Variants in NKD1 observed in about 807,000 individuals in gnomAD.
NKD1 encodes the protein protein naked cuticle homolog 1.
A neutral mutation model predicts 56.0 loss-of-function variants in NKD1; 21 were observed. The ratio of observed to expected loss-of-function variants is 0.38; its 90% CI spans 0.27 to 0.54. The LOEUF (loss-of-function observed/expected upper bound fraction) is 0.54, where lower values mean the gene tolerates loss of function less well. NKD1 is among the 20% of genes least tolerant of loss of function. NKD1 has a pLI of 0.82. For missense variants in NKD1, 578 were observed against 642.7 expected (o/e 0.90, Z 1.09); for synonymous variants, 263 against 265.7 (o/e 0.99, Z 0.10).
intron 3 of NKD1, among the ~76,000 whole-genome samples, chr16:50,587,602 A>G (rs1961258684): frequency 6.6e-6 from 1 of 152,170 alleles, no homozygotes; most frequent in Non-Finnish European, 1.5e-5. Flanking sequence ...CTAAGGAGAG[A>G]TGCTTTACCT....
chr16:50,627,613 G>C (rs1244570046), intron 6 of NKD1, among the ~76,000 whole-genome samples: 3 of 152,244 alleles, frequency 2.0e-5, no homozygotes, highest in Admixed American at 1.3e-4. Context: ...TGCCAGGGCA[G>C]ATGGGCTCCC....
In NKD1 at chr16:50,644,207, C is replaced by T. The variant is rs1172187323; in HGVS notation, c.*10426C>T. On this transcript the variant is annotated 3_prime_UTR_variant, in exon 10 of 10. Transcript: ENST00000268459. ...ATAGGCAATTTCGTAAATACAGAAT[C>T]CACGGAGGGTGAGGATCCACCGTAT... 2 of 152,230 alleles carry T rather than the reference C, an allele frequency of 1.3e-5. No homozygotes were observed. Among genetic ancestry groups the T allele is most frequent in the African/African-American group, 4.8e-5 (2 of 41,462 alleles). The allele number at this position is 152,230 out of a possible 1,614,324, so 9.4% of individuals were successfully genotyped here. A position where few individuals can be genotyped will look rare whatever the true frequency, so the allele number is the denominator to read the frequency against.
chr16:50,625,181 A>C, intron 5 of NKD1: 1 of 419,578 alleles, frequency 2.4e-6, no homozygotes, highest in Non-Finnish European at 4.4e-6. Flanking sequence ...GTCCAAGTTC[A>C]GCTTTTCTGA....
At position 50,548,584 on chromosome 16, in the gene NKD1, T is replaced by C. The variant is rs1387788882; in HGVS notation, c.25+6T>C. On this transcript the variant is annotated splice_donor_region_variant and intron_variant, in intron 1 of 9. Coordinates refer to ENST00000268459, the MANE Select transcript of NKD1 (RefSeq NM_033119.5). ...GAAACTTCACTCCAAGCCGGGTCAGTGCCCCCGCCCGCGCGCTCGCCCCGG... is the reference window on the plus strand; with the variant it reads ...GAAACTTCACTCCAAGCCGGGTCAGCGCCCCCGCCCGCGCGCTCGCCCCGG... 1 of 1,464,076 alleles carries C rather than the reference T, an allele frequency of 6.8e-7. No homozygotes were observed. Among genetic ancestry groups the C allele is most frequent in the South Asian group, 1.3e-5 (1 of 77,316 alleles). 90.7% of individuals were successfully genotyped at this position (1,464,076 alleles called of 1,614,324 possible).
At chr16:50,560,047 G>C (rs1195725421) in intron 3 of NKD1, among the ~76,000 whole-genome samples, 1 of 152,166 alleles carries the variant, frequency 6.6e-6, no homozygotes, top group Non-Finnish European at 1.5e-5. Context: ...TTCCATGCCT[G>C]GTTTCCAGAG....
At chr16:50,618,293 G>A (rs531827890) in intron 4 of NKD1, among the ~76,000 whole-genome samples, 4 of 152,068 alleles carry the variant, frequency 2.6e-5, no homozygotes, top group African/African-American at 4.8e-5. Context: ...CGGAAAAATG[G>A]CTGGGCTAAA....
chr16:50,574,521 C>G, intron 3 of NKD1: 5 of 985,424 alleles, frequency 5.1e-6, no homozygotes, highest in Non-Finnish European at 6.0e-6. Context: ...GTGGCCGAGG[C>G]CCAGGCACGG....
chr16:50,558,500 G>C (rs1485820334), intron 3 of NKD1: 1 of 152,254 alleles, frequency 6.6e-6, no homozygotes, highest in African/African-American at 2.4e-5. Context: ...ATCCAAGGCA[G>C]AGAGTGCAGG....
chr16:50,633,207 C>A lies in NKD1; in HGVS notation c.839C>A (p.Ala280Asp). The A allele has an allele frequency of 3.1e-6, 5 of 1,607,068 alleles. No individual in the cohort carries two copies. Among genetic ancestry groups the A allele is most frequent in the Non-Finnish European group, 4.3e-6 (5 of 1,175,298 alleles). The change falls in exon 10 of 10, where the codon GCC (alanine) becomes GAC (aspartate). Residue 280 changes from alanine (A) to aspartate (D), a missense_variant. Ala to Asp is a moderately radical substitution (Grantham distance 126). Transcript: ENST00000268459. This position sits in a 1 kb window ranked among gnomAD's most constrained non-coding sequence, Gnocchi z 4.9. ...SQFGPGSPSV[A>D]QKSELPPRTS... ...TGGTTCCTAGGCTCCCCTTCCGTGG[C>A]CCAGAAGTCAGAACTGCCCCCCCGC...
intron 4 of NKD1, among the ~76,000 whole-genome samples, chr16:50,609,429 C>A (rs1961792215): frequency 6.6e-6 from 1 of 152,194 alleles, no homozygotes; most frequent in African/African-American, 2.4e-5. Context: ...AAGGAAGGAC[C>A]TCTCTGCTGA....
intron 3 of NKD1, among the ~76,000 whole-genome samples, chr16:50,571,760 G>C (rs2151266791): frequency 6.6e-6 from 1 of 152,230 alleles, no homozygotes; most frequent in East Asian, 1.9e-4. Context: ...AACAGCCTCT[G>C]AATTTCTTCT....
chr16:50,646,378 G>GTT lies in NKD1; in HGVS notation c.*12597_*12598insTT, dbSNP rs1408336141. ...AGACGAGGAAGAAAAAGAGGGGGGGGGGAGAGAGAACGAAGGCTAACTGAT... is the reference window on the plus strand; with the variant it reads ...AGACGAGGAAGAAAAAGAGGGGGGGGTTGGAGAGAGAACGAAGGCTAACTGAT... On this transcript the variant is annotated 3_prime_UTR_variant, in exon 10 of 10. Transcript: ENST00000268459. The GTT allele has an allele frequency of 6.7e-6, 1 of 149,448 alleles. No homozygotes were observed. Among genetic ancestry groups the GTT allele is most frequent in the Non-Finnish European group, 1.5e-5 (1 of 67,366 alleles). The allele number at this position is 149,448 out of a possible 1,614,324, so 9.3% of individuals were successfully genotyped here.
In NKD1 at chr16:50,617,209, G is replaced by A. The variant is rs79853896; in HGVS notation, c.260-4393G>A. ...ATTGGGCCCATGGGGAGGCGGGAGG[G>A]GTGTCTAGACCCACAGTCAAAGTTG... On this transcript the variant is annotated intron_variant, in intron 4 of 9. Transcript: ENST00000268459. Among the ~76,000 whole-genome samples, 422 of 152,144 alleles carry A rather than the reference G, an allele frequency of 2.8e-3. 16 individuals carry two copies. In the East Asian group the frequency reaches 0.056, roughly 20 times the overall value.
intron 4 of NKD1, among the ~76,000 whole-genome samples, chr16:50,618,581 A>G (rs11859288): frequency 0.11 from 16,067 of 152,234 alleles, 2,170 homozygotes; most frequent in African/African-American, 0.32. Context: ...CTGCATGGCC[A>G]GTTCTCTGCC....
Position 50,633,127 on chromosome 16 carries a change from G to T in NKD1, c.824-65G>T. 1 of 1,447,048 alleles carries T rather than the reference G, an allele frequency of 6.9e-7. No individual in the cohort carries two copies. The highest frequency in any genetic ancestry group is 1.4e-5 in the South Asian group (1 of 72,332). The allele number at this position is 1,447,048 out of a possible 1,614,324, so 89.6% of individuals were successfully genotyped here. On this transcript the variant is annotated intron_variant, in intron 9 of 9. Coordinates refer to ENST00000268459, the MANE Select transcript of NKD1 (RefSeq NM_033119.5). The surrounding 1 kb of genome is among the most constrained non-coding windows in gnomAD (Gnocchi z 4.9). Reference sequence around the variant, plus strand: ...AGAACTGGGGGCGGGGGTGATGTCTGGGGTATAGCGCAAGCCCCAGCACAC... The same window carrying T: ...AGAACTGGGGGCGGGGGTGATGTCTTGGGTATAGCGCAAGCCCCAGCACAC...
intron 3 of NKD1, among the ~76,000 whole-genome samples, chr16:50,572,734 C>G (rs1960911500): frequency 6.6e-6 from 1 of 152,146 alleles, no homozygotes; most frequent in Admixed American, 6.5e-5. Context: ...GTCTTCTTAC[C>G]CAGCTTGGGT....
chr16:50,621,223 A>G (rs906702840), intron 4 of NKD1, among the ~76,000 whole-genome samples: 1 of 152,248 alleles, frequency 6.6e-6, no homozygotes, highest in Admixed American at 6.5e-5. Context: ...AGGCAGTGAG[A>G]CTGCAGAAAA....
In NKD1 at chr16:50,624,530, C is replaced by T. The variant is rs546255592; in HGVS notation, c.367-955C>T. 3.3e-5 allele frequency among the ~76,000 whole-genome samples: 5 copies of T among 152,356 alleles called. No homozygotes were observed. In the East Asian group the frequency reaches 9.6e-4, roughly 29 times the overall value. On this transcript the variant is annotated intron_variant, in intron 5 of 9. Transcript: ENST00000268459. ...CTCCAAGCATGGGTGTAAAGGACACCAGCATTTACCCTCCACTTCCTGTTT... is the reference window on the plus strand; with the variant it reads ...CTCCAAGCATGGGTGTAAAGGACACTAGCATTTACCCTCCACTTCCTGTTT...
rs778591890 is a variant in NKD1, at chr16:50,568,902, G to A, written c.192+19347G>A. Among the ~76,000 whole-genome samples the A allele has an allele frequency of 2.2e-4, 34 of 152,166 alleles. 1 individual carries two copies. Among genetic ancestry groups the A allele is most frequent in the Non-Finnish European group, 1.0e-4 (7 of 68,032 alleles). ...AGTTTTGTCTGTGTCTGGAGCAGCC[G>A]TGTGCCTGATAAGGAGATGGCTCCC... is the stretch of plus-strand genomic sequence containing the variant. On this transcript the variant is annotated intron_variant, in intron 3 of 9. Transcript: ENST00000268459.
Sources: allele counts gnomAD v4.1 joint callset (sites outside exome capture counted in the v4.1 genomes callset), GRCh38; gene constraint gnomAD v4.1.1; non-coding constraint Gnocchi (gnomAD v3.1); transcripts MANE v1.5; gene names NCBI Gene and HGNC (gene_info 2026-07-23, HGNC 2026-07-21).